EFHC1: variants seen among roughly 807,000 people sequenced by gnomAD.
The protein encoded by EFHC1 is EF-hand domain-containing protein 1.
A neutral mutation model predicts 69.9 loss-of-function variants in EFHC1; 53 were observed. The ratio of observed to expected loss-of-function variants is 0.76; its 90% CI spans 0.61 to 0.95. The LOEUF (loss-of-function observed/expected upper bound fraction) is 0.95. Among genes scored for constraint, EFHC1 ranks in the 40% least tolerant of loss-of-function variants. The pLI is 0.00. For missense variants in EFHC1, 739 were observed against 798.7 expected (o/e 0.93, Z 0.90); for synonymous variants, 256 against 278.4 (o/e 0.92, Z 0.80).
rs890394671 is a variant in EFHC1 at position 52,465,197 on chromosome 6, A to G, written c.1137+82A>G. The G allele has an allele frequency of 1.2e-5, 14 of 1,189,628 alleles. No homozygotes were observed. In the East Asian group the frequency reaches 3.0e-4, roughly 25 times the overall value. 73.7% of individuals were successfully genotyped at this position (1,189,628 alleles called of 1,614,324 possible). ...TTAAGAAAAAAAGACTTCTATGCAA[A>G]TATTCGATAAATAATGGACAAAGTA... On this transcript the variant is annotated intron_variant, in intron 6 of 10. Transcript: ENST00000371068.
In EFHC1 at chr6:52,493,049, G is replaced by A. The variant is rs1171420564; in HGVS notation, c.*708G>A. On this transcript the variant is annotated 3_prime_UTR_variant, in exon 11 of 11. Coordinates refer to ENST00000371068, the MANE Select transcript of EFHC1 (RefSeq NM_018100.4). ...GCCTCCTCCAATCATTTGAAGACAT[G>A]AGTAGAATAAAAAGGCTGACCTTTC... 1 of 454,046 alleles carries A rather than the reference G, an allele frequency of 2.2e-6. No homozygotes were observed. The highest frequency in any genetic ancestry group is 2.3e-5 in the Admixed American group (1 of 42,566). The allele number at this position is 454,046 out of a possible 1,614,324, so 28.1% of individuals were successfully genotyped here.
At chr6:52,423,757 C>A (rs753798637) in intron 1 of EFHC1, 189 bp from the exon 2 acceptor site, 3 of 1,399,560 alleles carry the variant, frequency 2.1e-6, no homozygotes, top group Non-Finnish European at 2.9e-6. Context: ...TCTCCCTCTT[C>A]AGCCTCCCAG....
At chr6:52,428,964 T>C (rs1211315206) in intron 2 of EFHC1, among the ~76,000 whole-genome samples, 1 of 152,226 alleles carries the variant, frequency 6.6e-6, no homozygotes, top group Non-Finnish European at 1.5e-5. Flanking sequence ...CATTTTTTCA[T>C]ATGTTTGTTG....
At chr6:52,490,111 G>A (rs769922184) in intron 9 of EFHC1, 29 bp from the exon 10 acceptor site, 2 of 1,596,692 alleles carry the variant, frequency 1.3e-6, no homozygotes, top group Non-Finnish European at 1.7e-6. Context: ...TAAATACCAT[G>A]TGCAGTCATT....
chr6:52,464,691 A>C (rs1476141044), intron 5 of EFHC1, among the ~76,000 whole-genome samples: 1 of 152,216 alleles, frequency 6.6e-6, no homozygotes, highest in Non-Finnish European at 1.5e-5. Flanking sequence ...GACTTCACAA[A>C]AACCGTATTA....
At chr6:52,458,901 C>T (rs566293157) in intron 5 of EFHC1, among the ~76,000 whole-genome samples, 2 of 152,306 alleles carry the variant, frequency 1.3e-5, no homozygotes, top group African/African-American at 2.4e-5. Flanking sequence ...GTTAATGGTA[C>T]ATATACACCA....
rs538898420 is a variant in EFHC1 at position 52,468,992 on chromosome 6, A to G, written c.1138-341A>G. 157 of 338,222 alleles carry G rather than the reference A, an allele frequency of 4.6e-4. 1 individual carries two copies. Among genetic ancestry groups the G allele is most frequent in the South Asian group, 4.3e-3 (154 of 35,760 alleles). 21.0% of individuals were successfully genotyped at this position (338,222 alleles called of 1,614,324 possible). On this transcript the variant is annotated intron_variant, in intron 6 of 10. Coordinates refer to ENST00000371068, the MANE Select transcript of EFHC1 (RefSeq NM_018100.4). ...ATATATAAAAAGATTTTGTGGAGGT[A>G]TATACAAGAGAAAATGTGTGCTACA...
chr6:52,479,290 T>C, intron 8 of EFHC1, 40 bp downstream of exon 8: 1 of 1,599,936 alleles, frequency 6.3e-7, no homozygotes, highest in Non-Finnish European at 8.6e-7. Flanking sequence ...ACTGGCTGCC[T>C]GAATGAGTTC....
intron 1 of EFHC1, among the ~76,000 whole-genome samples, chr6:52,421,888 T>C (rs1276114808): frequency 6.6e-6 from 1 of 152,210 alleles, no homozygotes; most frequent in Non-Finnish European, 1.5e-5. Context: ...ATACAGGGAA[T>C]TACAGAGGTG....
chr6:52,449,397 AT>A (rs1764866448), intron 3 of EFHC1, among the ~76,000 whole-genome samples: 11 of 151,746 alleles, frequency 7.2e-5, no homozygotes, highest in Admixed American at 7.2e-4. Context: ...AAAAAAAAAA[AT>A]AGTACCAGCT....
At chr6:52,456,338 A>T (rs1264128773) in intron 5 of EFHC1, among the ~76,000 whole-genome samples, 1 of 152,180 alleles carries the variant, frequency 6.6e-6, no homozygotes, top group Non-Finnish European at 1.5e-5. Context: ...GCCTTTCAGA[A>T]TGCTTAAACA....
rs141735400 is a variant in EFHC1, at chr6:52,454,369, C to T, written c.916+82C>T. The T allele has an allele frequency of 6.9e-4, 1,082 of 1,564,564 alleles. 5 individuals carry two copies. The African/African-American group carries it at 0.012, about 18-fold the overall frequency. On this transcript the variant is annotated intron_variant, in intron 5 of 10. Transcript: ENST00000371068. ...AGTTACTTAATCAGTATGCAAAATT[C>T]GTTTATACTTGGAAGCCTCTAGCTA...
intron 3 of EFHC1, among the ~76,000 whole-genome samples, chr6:52,444,032 T>G (rs1472656894): frequency 6.6e-6 from 1 of 152,190 alleles, no homozygotes; most frequent in African/African-American, 2.4e-5. Flanking sequence ...TCCTAGGCAT[T>G]TTATTCTCTT....
chr6:52,434,657 G>T (rs999571906), intron 2 of EFHC1, among the ~76,000 whole-genome samples: 1 of 152,010 alleles, frequency 6.6e-6, no homozygotes, highest in African/African-American at 2.4e-5. Context: ...GCCTTCACAC[G>T]CTGCTCTGCC....
chr6:52,462,500 G>A (rs1765191906), intron 5 of EFHC1, among the ~76,000 whole-genome samples: 1 of 152,062 alleles, frequency 6.6e-6, no homozygotes, highest in South Asian at 2.1e-4. Flanking sequence ...CAAGTCAAAA[G>A]TCATCTCCTT....
intron 6 of EFHC1, among the ~76,000 whole-genome samples, chr6:52,465,519 A>AT (rs1765285045): frequency 6.6e-6 from 1 of 152,054 alleles, no homozygotes; most frequent in South Asian, 2.1e-4. Flanking sequence ...TAAAATGTAT[A>AT]TTTTCTGGCT....
Position 52,420,471 on chromosome 6 carries a change from A to G in EFHC1, c.61A>G (p.Thr21Ala). Residue 21 changes from threonine to alanine, a missense_variant and splice_region_variant, in exon 1 of 11, where the codon ACG (threonine) becomes GCG (alanine). Coordinates refer to ENST00000371068, the MANE Select transcript of EFHC1 (RefSeq NM_018100.4). ...TCCGGGCACGTCCTTTAAGGACTCT[A>G]CGGTGAGCAGTTATCTGCCAGACTC... ...FLPGTSFKDS[T>A]KTAFHRSQTL... 1 of 1,614,122 alleles carries G rather than the reference A, an allele frequency of 6.2e-7. No homozygotes were observed.
intron 9 of EFHC1, 117 bp from the exon 10 acceptor site, chr6:52,490,023 G>T: frequency 2.1e-6 from 2 of 947,782 alleles, no homozygotes; most frequent in Non-Finnish European, 3.3e-6. Flanking sequence ...GGTCAGCTCA[G>T]TCTCAAAGCT....
intron 3 of EFHC1, among the ~76,000 whole-genome samples, chr6:52,440,128 A>G (rs1764628318): frequency 6.6e-6 from 1 of 152,160 alleles, no homozygotes; most frequent in South Asian, 2.1e-4. Flanking sequence ...ACACTGAATT[A>G]GTGAATACTG....
Sources: allele counts gnomAD v4.1 joint callset (sites outside exome capture counted in the v4.1 genomes callset), GRCh38; gene constraint gnomAD v4.1.1; transcripts MANE v1.5; gene names NCBI Gene and HGNC (gene_info 2026-07-23, HGNC 2026-07-21).